SENP7: variants seen among roughly 807,000 people sequenced by gnomAD.
The protein encoded by SENP7 is SUMO specific peptidase 7.
SENP7 carries 64 observed loss-of-function variants against 141.2 expected under a neutral mutation model. The observed-to-expected ratio is 0.45, with a 90% CI of 0.37 to 0.56. The LOEUF (loss-of-function observed/expected upper bound fraction) is 0.56, where lower values mean the gene tolerates loss of function less well. Ranked by LOEUF, SENP7 falls within the 20% of genes least tolerant of loss-of-function variation. The probability of loss-of-function intolerance (pLI) is 0.00; values close to 1 mark genes in which losing one functional copy is unlikely to be tolerated. For synonymous variants in SENP7, 382 were observed against 426.4 expected (o/e 0.90, Z 1.28); for missense variants, 1,025 against 1,212.2 (o/e 0.85, Z 2.29).
intron 3 of SENP7, among the ~76,000 whole-genome samples, chr3:101,475,653 C>G (rs766408383): frequency 1.3e-5 from 2 of 152,022 alleles, no homozygotes; most frequent in South Asian, 4.1e-4. Flanking sequence ...CACACGTTTA[C>G]CTATTTAACA....
intron 10 of SENP7, among the ~76,000 whole-genome samples, chr3:101,363,744 T>C (rs1448285090): frequency 6.6e-6 from 1 of 151,970 alleles, no homozygotes; most frequent in African/African-American, 2.4e-5. Context: ...CAAAAGAAAA[T>C]ACCCATGAAA....
At chr3:101,334,005 C>T (rs2059123068) in intron 17 of SENP7, among the ~76,000 whole-genome samples, 1 of 152,162 alleles carries the variant, frequency 6.6e-6, no homozygotes, top group Non-Finnish European at 1.5e-5. Context: ...ACCTAGATCC[C>T]TTGCACGCAC....
intron 16 of SENP7, among the ~76,000 whole-genome samples, chr3:101,338,017 G>A (rs1312801649): frequency 2.0e-5 from 3 of 151,996 alleles, no homozygotes; most frequent in African/African-American, 7.2e-5. Flanking sequence ...GCTGGGTGTG[G>A]TGGTGTGCAC....
intron 4 of SENP7, among the ~76,000 whole-genome samples, chr3:101,440,716 AG>A (rs1380433477): frequency 1.3e-5 from 2 of 152,086 alleles, no homozygotes; most frequent in African/African-American, 4.8e-5. Flanking sequence ...AGACAGCACA[AG>A]AAAAAAAACC....
Position 101,325,173 on chromosome 3 carries a change from C to T in SENP7, c.*770G>A, listed in dbSNP as rs116019931. 3.1e-3 allele frequency: 476 copies of T among 151,962 alleles called. 4 individuals carry two copies. Among genetic ancestry groups the T allele is most frequent in the African/African-American group, 0.01 (418 of 41,476 alleles). 9.4% of individuals were successfully genotyped at this position (151,962 alleles called of 1,614,324 possible). A position where few individuals can be genotyped will look rare whatever the true frequency, so the allele number is the denominator to read the frequency against. On this transcript the variant is annotated 3_prime_UTR_variant, in exon 24 of 24. Transcript: ENST00000394095. Reference sequence around the variant, plus strand: ...GTGAGTGAATATTTATATAGCAGTACCTCAAGTTGAGCTACATGTATAATT... The same window carrying T: ...GTGAGTGAATATTTATATAGCAGTATCTCAAGTTGAGCTACATGTATAATT...
At chr3:101,418,933 G>T (rs2061703711) in intron 4 of SENP7, among the ~76,000 whole-genome samples, 1 of 152,160 alleles carries the variant, frequency 6.6e-6, no homozygotes. Flanking sequence ...AACGATGCTA[G>T]TATAATCTGG....
chr3:101,465,372 G>A (rs1356364389), intron 3 of SENP7, among the ~76,000 whole-genome samples: 1 of 152,068 alleles, frequency 6.6e-6, no homozygotes, highest in Non-Finnish European at 1.5e-5. Context: ...CAGCCATACT[G>A]GCATCCACAC....
chr3:101,335,896 T>A (rs1331132024), intron 17 of SENP7, among the ~76,000 whole-genome samples: 1 of 152,208 alleles, frequency 6.6e-6, no homozygotes, highest in Non-Finnish European at 1.5e-5. Flanking sequence ...CCTTAACTGA[T>A]CCTCGCAGGT....
chr3:101,438,718 T>C (rs1294276875), intron 4 of SENP7, among the ~76,000 whole-genome samples: 3 of 152,226 alleles, frequency 2.0e-5, no homozygotes, highest in Non-Finnish European at 2.9e-5. Context: ...TTTCAACGAA[T>C]GAGTAAATAG....
At chr3:101,436,495 A>G (rs1244203484) in intron 4 of SENP7, among the ~76,000 whole-genome samples, 1 of 152,222 alleles carries the variant, frequency 6.6e-6, no homozygotes, top group Non-Finnish European at 1.5e-5. Flanking sequence ...AACCCACAGA[A>G]TGTGAGAAAA....
At chr3:101,344,979 A>T (rs952339952) in intron 13 of SENP7, among the ~76,000 whole-genome samples, 1 of 126,630 alleles carries the variant, frequency 7.9e-6, no homozygotes, top group Admixed American at 9.4e-5. Context: ...CCATCTCTAG[A>T]AAAAAAGAAA....
At chr3:101,439,130 C>T (rs12497901) in intron 4 of SENP7, among the ~76,000 whole-genome samples, 1 of 97,594 alleles carries the variant, frequency 1.0e-5, no homozygotes, top group Admixed American at 1.1e-4. Flanking sequence ...AAGTGAGGAG[C>T]GTCTCTGCCC....
At chr3:101,458,830 C>A in intron 4 of SENP7, 125 bp downstream of exon 4, 1 of 582,820 alleles carries the variant, frequency 1.7e-6, no homozygotes, top group South Asian at 2.6e-5. Flanking sequence ...TCTTAGAGTC[C>A]ACTGAATTCA....
intron 4 of SENP7, among the ~76,000 whole-genome samples, chr3:101,432,631 A>T (rs1042070930): frequency 6.6e-6 from 1 of 152,228 alleles, no homozygotes; most frequent in Non-Finnish European, 1.5e-5. Flanking sequence ...AAAGAACAAG[A>T]GTCTCTGCCT....
intron 3 of SENP7, among the ~76,000 whole-genome samples, chr3:101,465,600 C>A (rs1372396604): frequency 2.0e-5 from 3 of 152,120 alleles, no homozygotes; most frequent in African/African-American, 7.2e-5. Context: ...ATGTAAAAAT[C>A]AGACAAACCA....
intron 15 of SENP7, among the ~76,000 whole-genome samples, chr3:101,341,259 C>T (rs4083062): frequency 0.4 from 60,361 of 151,984 alleles, 12,498 homozygotes; most frequent in Admixed American, 0.54. Flanking sequence ...TGAAAGAGAA[C>T]TTGTAACAAA....
chr3:101,492,598 TAAG>T (rs1009926710), intron 3 of SENP7, among the ~76,000 whole-genome samples: 27 of 152,246 alleles, frequency 1.8e-4, no homozygotes, highest in African/African-American at 6.5e-4. Flanking sequence ...AATGTCCTTA[TAAG>T]AAGAAGAGAC....
chr3:101,349,996 C>T (rs1338506783), intron 12 of SENP7, among the ~76,000 whole-genome samples: 1 of 152,118 alleles, frequency 6.6e-6, no homozygotes, highest in African/African-American at 2.4e-5. Flanking sequence ...AAGGTTATGT[C>T]GCATGGACAT....
In SENP7 at chr3:101,426,574, G is replaced by A. The variant is rs144284733; in HGVS notation, c.285-8784C>T. ...GACTCACTGCAACCTCTGCCTCCCA[G>A]GCTCAAGTGATTGTCCTGCCTCAGC... On this transcript the variant is annotated intron_variant, in intron 4 of 23. Transcript: ENST00000394095. Among the ~76,000 whole-genome samples the A allele has an allele frequency of 2.2e-3, 340 of 151,846 alleles. 7 individuals carry two copies. In the East Asian group the frequency reaches 0.027, roughly 12 times the overall value.
Sources: allele counts gnomAD v4.1 joint callset (sites outside exome capture counted in the v4.1 genomes callset), GRCh38; gene constraint gnomAD v4.1.1; transcripts MANE v1.5; gene names NCBI Gene and HGNC (gene_info 2026-07-23, HGNC 2026-07-21).